Variants in CCDC30 observed in about 807,000 individuals in gnomAD.
The protein encoded by CCDC30 is coiled-coil domain containing 30, also known as coiled-coil domain-containing protein 30.
CCDC30 carries 70 observed loss-of-function variants against 100.2 expected under a neutral mutation model. The observed-to-expected ratio is 0.70, with a 90% confidence interval of 0.58 to 0.85. The LOEUF (loss-of-function observed/expected upper bound fraction) is 0.85. Among genes scored for constraint, CCDC30 ranks in the 40% least tolerant of loss-of-function variants. CCDC30 has a pLI of 0.00. For missense variants in CCDC30, 652 were observed against 771.2 expected, an observed-to-expected ratio of 0.85 and a Z score of 1.83; for synonymous variants, 233 against 269.5, an observed-to-expected ratio of 0.86 and a Z score of 1.33.
intron 6 of CCDC30, among the ~76,000 whole-genome samples, chr1:42,501,360 C>A (rs1230653174): frequency 1.3e-5 from 2 of 152,220 alleles, no homozygotes; most frequent in East Asian, 1.9e-4. Context: ...GTATTCCATT[C>A]TGTTAACCCA....
chr1:42,603,649 A>C (rs965897964), intron 10 of CCDC30, among the ~76,000 whole-genome samples: 2 of 152,224 alleles, frequency 1.3e-5, no homozygotes, highest in African/African-American at 4.8e-5. Context: ...CATATGAAGC[A>C]ATATCTTTGC....
chr1:42,614,120 G>A (rs929896190), intron 11 of CCDC30, among the ~76,000 whole-genome samples: 51 of 145,142 alleles, frequency 3.5e-4, no homozygotes, highest in African/African-American at 1.2e-3. Flanking sequence ...TCGCTCTGCC[G>A]CCCAGGATAG....
chr1:42,629,736 A>G (rs1270866659), intron 11 of CCDC30, among the ~76,000 whole-genome samples: 2 of 151,642 alleles, frequency 1.3e-5, no homozygotes, highest in East Asian at 3.9e-4. Flanking sequence ...GGTTCAAGCA[A>G]TTCTTCTGCC....
intron 6 of CCDC30, among the ~76,000 whole-genome samples, chr1:42,520,337 CTT>C (rs536492306): frequency 1.4e-5 from 2 of 144,406 alleles, no homozygotes; most frequent in African/African-American, 2.5e-5. Flanking sequence ...TTTCTTTTCT[CTT>C]TTTTTTTTTT....
At chr1:42,516,423 T>A (rs1207797988) in intron 6 of CCDC30, among the ~76,000 whole-genome samples, 1 of 151,992 alleles carries the variant, frequency 6.6e-6, no homozygotes, top group African/African-American at 2.4e-5. Context: ...GTCTTGCTCT[T>A]GCAAGATTTA....
chr1:42,464,465 A>G (rs186261905), intron 1 of CCDC30, among the ~76,000 whole-genome samples: 8 of 152,330 alleles, frequency 5.3e-5, no homozygotes, highest in Admixed American at 4.6e-4. Flanking sequence ...TGGAGAGGAG[A>G]TGATTGAAAT....
rs1645203566 is a variant in CCDC30, at chr1:42,549,325, G to A, written c.457-16971G>A. ...TTCTTTTTTCACAAATGAGGTCTCT[G>A]AGACCAAGAAAACTGAAATGACTAT... is the stretch of plus-strand genomic sequence containing the variant. On this transcript the variant is annotated intron_variant, in intron 6 of 16. Transcript: ENST00000668663. Among the ~76,000 whole-genome samples the A allele has an allele frequency of 2.0e-5, 3 of 152,156 alleles. No individual in the cohort carries two copies. The South Asian group carries it at 6.2e-4, about 32-fold the overall frequency.
At chr1:42,525,406 G>A (rs1024749433) in intron 6 of CCDC30, among the ~76,000 whole-genome samples, 8 of 151,684 alleles carry the variant, frequency 5.3e-5, no homozygotes, top group Non-Finnish European at 1.2e-4. Context: ...AGTGTTTATT[G>A]TGTTTTTAAT....
At position 42,535,252 on chromosome 1, in the gene CCDC30, G is replaced by A. The variant is rs563029978; in HGVS notation, c.457-31044G>A. Among the ~76,000 whole-genome samples the A allele has an allele frequency of 2.0e-5, 3 of 152,202 alleles. No individual in the cohort carries two copies. In the South Asian group the frequency reaches 6.2e-4, roughly 32 times the overall value. On this transcript the variant is annotated intron_variant, in intron 6 of 16. Transcript: ENST00000668663. ...TAAAGGTATTGCCTTACTAACGAAT[G>A]AATGTAAAAATTTGGAACAATCCAA...
chr1:42,537,745 G>A (rs1389896260), intron 6 of CCDC30: 9 of 164,246 alleles, frequency 5.5e-5, no homozygotes, highest in South Asian at 1.5e-4. Context: ...CAAGGTGGGC[G>A]GATCACCTGA....
At chr1:42,521,041 T>G (rs1644636059) in intron 6 of CCDC30, 1 of 144,674 alleles carries the variant, frequency 6.9e-6, no homozygotes, top group Non-Finnish European at 1.5e-5. Flanking sequence ...TGGTGCAATC[T>G]TGGCTCACTG....
the CCDC30 span, chr1:42,456,559 G>C: frequency 6.8e-7 from 1 of 1,466,264 alleles, no homozygotes; most frequent in Non-Finnish European, 9.0e-7. Context: ...CGGCCGCTGC[G>C]CTGCAGATGG....
intron 12 of CCDC30, among the ~76,000 whole-genome samples, chr1:42,642,084 G>A (rs1570335511): frequency 6.6e-6 from 1 of 151,986 alleles, no homozygotes; most frequent in East Asian, 1.9e-4. Flanking sequence ...AACTTAGCCG[G>A]GCGTAGTGGT....
chr1:42,557,576 C>T (rs1211512773), intron 6 of CCDC30, among the ~76,000 whole-genome samples: 1 of 146,884 alleles, frequency 6.8e-6, no homozygotes, highest in African/African-American at 2.5e-5. Context: ...TTCATTTGTA[C>T]TTAATGTTTA....
At chr1:42,612,915 GA>G (rs912113622) in intron 11 of CCDC30, among the ~76,000 whole-genome samples, 1 of 151,914 alleles carries the variant, frequency 6.6e-6, no homozygotes, top group African/African-American at 2.4e-5. Flanking sequence ...AAACAGTGCT[GA>G]AAAAAATCAT....
intron 4 of CCDC30, among the ~76,000 whole-genome samples, chr1:42,495,169 T>C (rs1192432424): frequency 1.3e-5 from 2 of 151,216 alleles, no homozygotes; most frequent in Non-Finnish European, 2.9e-5. Flanking sequence ...TGGAATACTA[T>C]GCAGCCATAA....
chr1:42,581,918 A>T (rs1645975603), intron 9 of CCDC30, among the ~76,000 whole-genome samples: 1 of 152,072 alleles, frequency 6.6e-6, no homozygotes, highest in Non-Finnish European at 1.5e-5. Context: ...ATTGAATTGA[A>T]AGATAAAATA....
At chr1:42,612,243 G>A (rs1646640157) in intron 11 of CCDC30, among the ~76,000 whole-genome samples, 1 of 152,144 alleles carries the variant, frequency 6.6e-6, no homozygotes, top group African/African-American at 2.4e-5. Context: ...CAGTTAAACA[G>A]GGTACAACTG....
intron 6 of CCDC30, chr1:42,545,501 C>G (rs756941767): frequency 1.2e-6 from 2 of 1,605,868 alleles, no homozygotes; most frequent in Non-Finnish European, 8.5e-7. Context: ...AGTGAAAATA[C>G]CTGTAAAGAT....
Sources: allele counts gnomAD v4.1 joint callset (sites outside exome capture counted in the v4.1 genomes callset), GRCh38; gene constraint gnomAD v4.1.1; transcripts MANE v1.5; gene names NCBI Gene and HGNC (gene_info 2026-07-23, HGNC 2026-07-21).